The following ZBTB46 variants were observed in gnomAD, a reference collection of about 807,000 sequenced individuals.
ZBTB46 encodes the protein zinc finger and BTB domain containing 46.
Under a neutral mutation model 44.1 loss-of-function variants are expected in ZBTB46, and 8 were observed. The observed-to-expected ratio is 0.18, with a 90% CI of 0.11 to 0.33. The LOEUF is 0.33. ZBTB46 is among the 10% of genes least tolerant of loss of function. The pLI, the probability that ZBTB46 is intolerant of heterozygous loss-of-function variation, is 1.00. For missense variants in ZBTB46, 651 were observed against 847.7 expected (o/e 0.77, Z 2.88); for synonymous variants, 409 against 382.3 (o/e 1.07, Z -0.81).
intron 3 of ZBTB46, among the ~76,000 whole-genome samples, chr20:63,754,194 C>T (rs928964596): frequency 2.6e-5 from 4 of 152,242 alleles, no homozygotes; most frequent in Non-Finnish European, 5.9e-5. Flanking sequence ...CCCCGCCGCA[C>T]ATCCCCCGAG....
chr20:63,829,376 G>A (rs537474285), intron 1 of ZBTB46, among the ~76,000 whole-genome samples: 2 of 152,234 alleles, frequency 1.3e-5, no homozygotes, highest in African/African-American at 2.4e-5. Context: ...GTCAGTGAGA[G>A]GCTTAATTAA....
intron 3 of ZBTB46, among the ~76,000 whole-genome samples, chr20:63,759,194 C>T (rs1223168125): frequency 6.6e-6 from 1 of 151,974 alleles, no homozygotes; most frequent in African/African-American, 2.4e-5. Flanking sequence ...ATTTGATGTC[C>T]TATAAAATGA....
intron 3 of ZBTB46, among the ~76,000 whole-genome samples, chr20:63,762,824 T>G (rs929766687): frequency 6.6e-6 from 1 of 152,188 alleles, no homozygotes; most frequent in African/African-American, 2.4e-5. Context: ...ATACTGACTT[T>G]CTTTTTGGTT....
intron 2 of ZBTB46, among the ~76,000 whole-genome samples, chr20:63,781,636 CA>C (rs1439189974): frequency 6.6e-6 from 1 of 151,966 alleles, no homozygotes; most frequent in Non-Finnish European, 1.5e-5. Context: ...ACTAAAAATA[CA>C]AAAAATCAGC....
intron 1 of ZBTB46, among the ~76,000 whole-genome samples, chr20:63,795,891 T>C (rs1162356114): frequency 2.0e-5 from 3 of 152,118 alleles, no homozygotes; most frequent in African/African-American, 7.2e-5. Context: ...CCATCCCAAA[T>C]CCTCTCTCCA....
At chr20:63,770,121 G>A (rs1157114762) in intron 3 of ZBTB46, among the ~76,000 whole-genome samples, 1 of 152,206 alleles carries the variant, frequency 6.6e-6, no homozygotes, top group Non-Finnish European at 1.5e-5. Flanking sequence ...ACATTTCCGG[G>A]CACGGCTGAT....
chr20:63,786,164 T>C (rs544709067), intron 2 of ZBTB46, among the ~76,000 whole-genome samples: 1 of 152,322 alleles, frequency 6.6e-6, no homozygotes, highest in South Asian at 2.1e-4. Context: ...CCCAAAGCCG[T>C]GTCTCTTGCC....
chr20:63,759,066 T>C lies in ZBTB46; in HGVS notation c.1223-6205A>G, dbSNP rs185587787. Among the ~76,000 whole-genome samples, 3 of 152,124 alleles carry C rather than the reference T, an allele frequency of 2.0e-5. No individual in the cohort carries two copies. The East Asian group carries it at 5.8e-4, about 29-fold the overall frequency. On this transcript the variant is annotated intron_variant, in intron 3 of 4. Coordinates refer to ENST00000245663, the MANE Select transcript of ZBTB46 (RefSeq NM_001369741.1). ...ATCTTAACAATAGTGAGTCTTCTCC[T>C]CCATGAACATAGTATCTCCCTTCAT...
chr20:63,798,257 C>G (rs1333053954), intron 1 of ZBTB46, among the ~76,000 whole-genome samples: 1 of 152,152 alleles, frequency 6.6e-6, no homozygotes, highest in Non-Finnish European at 1.5e-5. Context: ...ATAGGGAATC[C>G]TTTCCCCATT....
At chr20:63,755,140 G>A (rs181118991) in intron 3 of ZBTB46, among the ~76,000 whole-genome samples, 3 of 152,336 alleles carry the variant, frequency 2.0e-5, no homozygotes, top group South Asian at 2.1e-4. Flanking sequence ...GGGCAGAGCC[G>A]CAGCTGCGGA....
At chr20:63,754,640 C>A (rs997327556) in intron 3 of ZBTB46, among the ~76,000 whole-genome samples, 8 of 151,482 alleles carry the variant, frequency 5.3e-5, no homozygotes, top group Non-Finnish European at 8.8e-5. Context: ...CACTCTGTCA[C>A]CCAGGCTGGA....
intron 1 of ZBTB46, among the ~76,000 whole-genome samples, chr20:63,827,966 G>C (rs2092828751): frequency 6.6e-6 from 1 of 152,158 alleles, no homozygotes; most frequent in Non-Finnish European, 1.5e-5. Flanking sequence ...TGTTGCCCAG[G>C]CTGGAGTCCA....
At chr20:63,763,937 C>T (rs369311874) in intron 3 of ZBTB46, among the ~76,000 whole-genome samples, 2 of 152,140 alleles carry the variant, frequency 1.3e-5, no homozygotes, top group African/African-American at 4.8e-5. Context: ...ATTACTCACA[C>T]AGTTGCCTTA....
intron 3 of ZBTB46, among the ~76,000 whole-genome samples, chr20:63,768,929 G>C (rs561033704): frequency 6.6e-6 from 1 of 152,320 alleles, no homozygotes; most frequent in South Asian, 2.1e-4. Context: ...AACATGAATT[G>C]AATGTCTTTA....
chr20:63,820,898 T>G (rs76426401), intron 1 of ZBTB46, among the ~76,000 whole-genome samples: 1 of 102,884 alleles, frequency 9.7e-6, no homozygotes, highest in Admixed American at 9.8e-5. Flanking sequence ...ATGGCTAATT[T>G]TTTTTTTTTT....
intron 2 of ZBTB46, among the ~76,000 whole-genome samples, chr20:63,786,102 G>T (rs931635020): frequency 1.3e-5 from 2 of 152,180 alleles, no homozygotes; most frequent in African/African-American, 4.8e-5. Context: ...GAGGGGCCTC[G>T]CTGTGCTGAC....
chr20:63,751,079 T>C (rs1038608372), intron 4 of ZBTB46, among the ~76,000 whole-genome samples: 1 of 152,174 alleles, frequency 6.6e-6, no homozygotes, highest in Non-Finnish European at 1.5e-5. Context: ...AAAAACAAGA[T>C]GCGATTTTCT....
At chr20:63,790,832 C>G in intron 1 of ZBTB46, 42 bp from the exon 2 acceptor site, 3 of 1,478,956 alleles carry the variant, frequency 2.0e-6, no homozygotes, top group Non-Finnish European at 2.7e-6. Context: ...TCAGCACAGA[C>G]AGAGGCCGTG....
chr20:63,786,574 C>T (rs1281824159), intron 2 of ZBTB46, among the ~76,000 whole-genome samples: 7 of 152,120 alleles, frequency 4.6e-5, no homozygotes, highest in South Asian at 4.1e-4. Flanking sequence ...TGCAGTGGCG[C>T]GATCTCAGCT....
Sources: allele counts gnomAD v4.1 joint callset (sites outside exome capture counted in the v4.1 genomes callset), GRCh38; gene constraint gnomAD v4.1.1; transcripts MANE v1.5; gene names NCBI Gene and HGNC (gene_info 2026-07-23, HGNC 2026-07-21).